ANKS1B: variants seen among roughly 807,000 people sequenced by gnomAD.
The protein encoded by ANKS1B is ankyrin repeat and sterile alpha motif domain containing 1B, also known as ankyrin repeat and sterile alpha motif domain-containing protein 1B.
In ANKS1B, 36 loss-of-function variants were observed where a neutral mutation model predicts 148.3. The ratio of observed to expected loss-of-function variants is 0.24; its 90% CI spans 0.19 to 0.32. The LOEUF (loss-of-function observed/expected upper bound fraction) is 0.32. ANKS1B is among the 10% of genes least tolerant of loss of function. The pLI, the probability that ANKS1B is intolerant of heterozygous loss-of-function variation, is 1.00. For synonymous variants in ANKS1B, 542 were observed against 560.8 expected (o/e 0.97, Z 0.47); for missense variants, 1,157 against 1,542.6 (o/e 0.75, Z 4.19).
chr12:99,285,635 G>A (rs1198614336), intron 12 of ANKS1B, among the ~76,000 whole-genome samples: 2 of 152,146 alleles, frequency 1.3e-5, no homozygotes, highest in Non-Finnish European at 2.9e-5. Flanking sequence ...CATAGTACCT[G>A]GTTTTAACAT....
chr12:98,808,681 C>G (rs2099070016), intron 19 of ANKS1B, among the ~76,000 whole-genome samples: 1 of 152,200 alleles, frequency 6.6e-6, no homozygotes, highest in Non-Finnish European at 1.5e-5. Context: ...GAACCAAACA[C>G]TAAACTAACC....
chr12:99,104,432 C>T (rs1017682357), intron 15 of ANKS1B: 5 of 152,198 alleles, frequency 3.3e-5, no homozygotes, highest in African/African-American at 9.7e-5. Flanking sequence ...ATATTGAGAT[C>T]TGTTCCATTT....
chr12:99,253,468 G>A lies in ANKS1B; in HGVS notation c.1757-6604C>T, dbSNP rs149943743. ...GGAGAAGGCCCTTGAGATGTGAAGGGCTCATGGCTACTGTGGCTCATCCCT... is the reference window on the plus strand; with the variant it reads ...GGAGAAGGCCCTTGAGATGTGAAGGACTCATGGCTACTGTGGCTCATCCCT... On this transcript the variant is annotated intron_variant, in intron 12 of 26. Transcript: ENST00000683438. Among the ~76,000 whole-genome samples, 282 of 152,198 alleles carry A rather than the reference G, an allele frequency of 1.9e-3. 1 individual carries two copies. Among genetic ancestry groups the A allele is most frequent in the Admixed American group, 3.7e-3 (57 of 15,288 alleles).
At chr12:99,585,158 G>T (rs951191126) in intron 9 of ANKS1B, among the ~76,000 whole-genome samples, 3 of 152,082 alleles carry the variant, frequency 2.0e-5, no homozygotes, top group East Asian at 1.9e-4. Flanking sequence ...AAGTAAGTTA[G>T]TTACTTCCTA....
chr12:99,848,562 A>T (rs920612570), intron 1 of ANKS1B, among the ~76,000 whole-genome samples: 1 of 152,168 alleles, frequency 6.6e-6, no homozygotes, highest in African/African-American at 2.4e-5. Flanking sequence ...AACAGACCCT[A>T]ATCTATATAG....
At chr12:99,053,876 G>A (rs2099967824) in intron 16 of ANKS1B, among the ~76,000 whole-genome samples, 2 of 152,128 alleles carry the variant, frequency 1.3e-5, no homozygotes, top group South Asian at 2.1e-4. Context: ...GTTCTGCATC[G>A]ACTCTACAGT....
At chr12:98,915,361 A>T (rs1212397372) in intron 17 of ANKS1B, among the ~76,000 whole-genome samples, 6 of 151,356 alleles carry the variant, frequency 4.0e-5, no homozygotes, top group South Asian at 4.2e-4. Context: ...GTGAGACAGA[A>T]TTTTTTTTTA....
intron 10 of ANKS1B, among the ~76,000 whole-genome samples, chr12:99,450,963 T>C (rs2095722642): frequency 5.3e-5 from 8 of 152,190 alleles, no homozygotes; most frequent in Admixed American, 5.2e-4. Flanking sequence ...TCCTTGATAA[T>C]ATAATTTACA....
intron 9 of ANKS1B, among the ~76,000 whole-genome samples, chr12:99,618,907 T>C (rs1345306410): frequency 6.6e-6 from 1 of 152,122 alleles, no homozygotes; most frequent in Non-Finnish European, 1.5e-5. Context: ...GGAATCTCCA[T>C]AACCAGAGCT....
intron 16 of ANKS1B, among the ~76,000 whole-genome samples, chr12:99,084,557 C>T (rs868095953): frequency 6.6e-6 from 1 of 152,008 alleles, no homozygotes; most frequent in Non-Finnish European, 1.5e-5. Context: ...AAAATACATA[C>T]ACACACAAAA....
At chr12:98,878,196 A>T (rs1447767617) in intron 17 of ANKS1B, among the ~76,000 whole-genome samples, 1 of 151,730 alleles carries the variant, frequency 6.6e-6, no homozygotes, top group African/African-American at 2.4e-5. Flanking sequence ...CTACTTGTGT[A>T]AAAAGGAGAA....
intron 11 of ANKS1B, among the ~76,000 whole-genome samples, chr12:99,436,319 T>A (rs2095459768): frequency 6.6e-6 from 1 of 151,984 alleles, no homozygotes. Flanking sequence ...TCAGGCCCAA[T>A]CAGTAAAATA....
chr12:99,669,640 T>C (rs892521518), intron 8 of ANKS1B, among the ~76,000 whole-genome samples: 10 of 152,146 alleles, frequency 6.6e-5, no homozygotes, highest in African/African-American at 2.2e-4. Flanking sequence ...CCAGTATTGT[T>C]CTTTCTTTGG....
At chr12:99,311,969 A>G (rs1204661808) in intron 12 of ANKS1B, among the ~76,000 whole-genome samples, 1 of 152,178 alleles carries the variant, frequency 6.6e-6, no homozygotes, top group Non-Finnish European at 1.5e-5. Flanking sequence ...TCCCCATTAC[A>G]AGGAAAAATG....
intron 12 of ANKS1B, among the ~76,000 whole-genome samples, chr12:99,395,849 C>A (rs1593898986): frequency 6.6e-6 from 1 of 152,058 alleles, no homozygotes; most frequent in African/African-American, 2.4e-5. Context: ...AGTCTTTGTT[C>A]TGTTAAATGC....
intron 10 of ANKS1B, among the ~76,000 whole-genome samples, chr12:99,469,610 G>A (rs917954113): frequency 6.6e-5 from 10 of 151,764 alleles, no homozygotes; most frequent in East Asian, 1.9e-4. Context: ...AGAGTATTAC[G>A]GACAAAACAA....
At chr12:99,271,074 C>T (rs2076987652) in intron 12 of ANKS1B, among the ~76,000 whole-genome samples, 1 of 152,208 alleles carries the variant, frequency 6.6e-6, no homozygotes, top group South Asian at 2.1e-4. Flanking sequence ...TTCACAGAGT[C>T]CCTGCCTATC....
intron 15 of ANKS1B, among the ~76,000 whole-genome samples, chr12:99,088,110 G>A (rs1328518707): frequency 6.6e-6 from 1 of 152,164 alleles, no homozygotes; most frequent in Non-Finnish European, 1.5e-5. Flanking sequence ...GTGAAAATGT[G>A]TCAAAGGGGA....
intron 8 of ANKS1B, among the ~76,000 whole-genome samples, chr12:99,760,895 C>T (rs948482497): frequency 1.3e-5 from 2 of 149,902 alleles, no homozygotes; most frequent in African/African-American, 4.9e-5. Context: ...CAAAAAAAAC[C>T]CTCAGAGACT....
Sources: allele counts gnomAD v4.1 joint callset (sites outside exome capture counted in the v4.1 genomes callset), GRCh38; gene constraint gnomAD v4.1.1; transcripts MANE v1.5; gene names NCBI Gene and HGNC (gene_info 2026-07-23, HGNC 2026-07-21).